GPC6: variants seen among roughly 807,000 people sequenced by gnomAD.
GPC6 encodes the protein glypican-6.
GPC6 carries 14 observed loss-of-function variants against 55.2 expected under a neutral mutation model. The ratio of observed to expected loss-of-function variants is 0.25; its 90% CI spans 0.17 to 0.40. The LOEUF (loss-of-function observed/expected upper bound fraction) is 0.40. Ranked by LOEUF, GPC6 falls within the 10% of genes least tolerant of loss-of-function variation. GPC6 has a pLI of 1.00. For synonymous variants in GPC6, 278 were observed against 259.6 expected (o/e 1.07, Z -0.68); for missense variants, 641 against 708.5 (o/e 0.90, Z 1.08).
intron 1 of GPC6, among the ~76,000 whole-genome samples, chr13:93,423,243 T>C (rs567392428): frequency 6.6e-6 from 1 of 152,178 alleles, no homozygotes; most frequent in Non-Finnish European, 1.5e-5. Flanking sequence ...CAGGACTGAA[T>C]GTCTTCCGAT....
At chr13:93,701,730 G>A (rs1369942987) in intron 2 of GPC6, among the ~76,000 whole-genome samples, 5 of 151,984 alleles carry the variant, frequency 3.3e-5, no homozygotes, top group African/African-American at 1.2e-4. Flanking sequence ...AGTGTTCACA[G>A]CATCTTCTCC....
At chr13:94,074,893 A>C (rs1884855010) in intron 4 of GPC6, among the ~76,000 whole-genome samples, 1 of 152,200 alleles carries the variant, frequency 6.6e-6, no homozygotes, top group Non-Finnish European at 1.5e-5. Flanking sequence ...ACAGTCAATT[A>C]ACATGAGGGA....
At chr13:94,053,070 A>G (rs146964550) in intron 4 of GPC6, among the ~76,000 whole-genome samples, 1 of 152,320 alleles carries the variant, frequency 6.6e-6, no homozygotes, top group East Asian at 1.9e-4. Context: ...AGCTAAAATC[A>G]GTGACTTCAT....
intron 3 of GPC6, among the ~76,000 whole-genome samples, chr13:93,883,441 AT>A (rs975680164): frequency 6.6e-6 from 1 of 151,830 alleles, no homozygotes; most frequent in African/African-American, 2.4e-5. Flanking sequence ...GCCAACATCT[AT>A]TTTTTTTATT....
intron 7 of GPC6, among the ~76,000 whole-genome samples, chr13:94,393,779 T>A (rs1192517756): frequency 6.6e-6 from 1 of 152,158 alleles, no homozygotes; most frequent in Non-Finnish European, 1.5e-5. Flanking sequence ...TTTCATTAAA[T>A]CTTGAGAGTC....
chr13:93,567,279 T>G (rs962286319), intron 2 of GPC6, among the ~76,000 whole-genome samples: 11 of 152,196 alleles, frequency 7.2e-5, no homozygotes, highest in Admixed American at 2.0e-4. Flanking sequence ...CTACCTTGTT[T>G]GTTTGAGTCA....
At chr13:93,419,584 T>A (rs771330924) in intron 1 of GPC6, among the ~76,000 whole-genome samples, 1 of 152,094 alleles carries the variant, frequency 6.6e-6, no homozygotes, top group Non-Finnish European at 1.5e-5. Flanking sequence ...AACGGAAATG[T>A]GTATTTTTAT....
chr13:93,880,885 T>TAA (rs35157318), intron 3 of GPC6, among the ~76,000 whole-genome samples: 99 of 147,104 alleles, frequency 6.7e-4, no homozygotes, highest in African/African-American at 1.6e-3. Flanking sequence ...CCTTTGCAAC[T>TAA]AAAAAAAAAA....
chr13:93,687,897 T>C (rs1882109492), intron 2 of GPC6, among the ~76,000 whole-genome samples: 1 of 149,146 alleles, frequency 6.7e-6, no homozygotes, highest in Non-Finnish European at 1.5e-5. Flanking sequence ...GTGTTTGGCT[T>C]TTTTTTTTAT....
At chr13:93,821,040 G>C (rs1009772636) in intron 2 of GPC6, among the ~76,000 whole-genome samples, 1 of 152,140 alleles carries the variant, frequency 6.6e-6, no homozygotes, top group Non-Finnish European at 1.5e-5. Flanking sequence ...GGCATGATAT[G>C]TTTTGTTGAA....
At chr13:93,767,184 CT>C (rs1429119948) in intron 2 of GPC6, among the ~76,000 whole-genome samples, 2 of 152,182 alleles carry the variant, frequency 1.3e-5, no homozygotes, top group Non-Finnish European at 1.5e-5. Context: ...GAAGGTACTC[CT>C]TTTTTTAGAT....
chr13:93,923,350 C>G (rs1354823238), intron 3 of GPC6, among the ~76,000 whole-genome samples: 1 of 152,192 alleles, frequency 6.6e-6, no homozygotes, highest in Non-Finnish European at 1.5e-5. Context: ...GTTTCCTCCT[C>G]ATATCCACCT....
chr13:93,429,366 C>T (rs1001155504), intron 1 of GPC6, among the ~76,000 whole-genome samples: 1 of 152,122 alleles, frequency 6.6e-6, no homozygotes, highest in African/African-American at 2.4e-5. Context: ...TATTTCTACT[C>T]AAGTAAAGTG....
At chr13:94,377,237 C>G (rs1174609577) in intron 6 of GPC6, among the ~76,000 whole-genome samples, 6 of 150,190 alleles carry the variant, frequency 4.0e-5, no homozygotes, top group Non-Finnish European at 8.9e-5. Context: ...GCAAAAGAAA[C>G]TACCATCAGA....
intron 3 of GPC6, among the ~76,000 whole-genome samples, chr13:93,952,421 T>C (rs1879292224): frequency 6.6e-6 from 1 of 152,014 alleles, no homozygotes. Context: ...TTGTGAAAAA[T>C]GTATATAACT....
chr13:93,380,803 G>A (rs1875132530), intron 1 of GPC6, among the ~76,000 whole-genome samples: 1 of 151,942 alleles, frequency 6.6e-6, no homozygotes, highest in Admixed American at 6.6e-5. Context: ...CTTACTCATT[G>A]TCTTAGATTG....
intron 3 of GPC6, among the ~76,000 whole-genome samples, chr13:93,953,047 C>T (rs1879342895): frequency 6.6e-6 from 1 of 151,796 alleles, no homozygotes; most frequent in South Asian, 2.1e-4. Context: ...CCCTTCTCAT[C>T]TTGCCCATGC....
At chr13:93,609,384 T>C (rs1452581678) in intron 2 of GPC6, among the ~76,000 whole-genome samples, 4 of 152,114 alleles carry the variant, frequency 2.6e-5, no homozygotes, top group South Asian at 2.1e-4. Flanking sequence ...CCAGCTATTT[T>C]TGTTTTGTTT....
At chr13:93,222,204 T>G (rs1277314389), upstream of GPC6, among the ~76,000 whole-genome samples, 1 of 152,186 alleles carries the variant, frequency 6.6e-6, no homozygotes, top group East Asian at 1.9e-4. Flanking sequence ...GTGTGACATA[T>G]TCATGTCAAA....
Sources: gnomAD v4.1 joint callset for allele counts (sites outside exome capture counted in the v4.1 genomes callset) on GRCh38, gnomAD v4.1.1 for gene constraint, MANE v1.5 for transcripts, NCBI Gene and HGNC (gene_info 2026-07-23, HGNC 2026-07-21) for gene names.